TNIP1: variants seen among roughly 807,000 people sequenced by gnomAD.
TNIP1 encodes TNFAIP3-interacting protein 1.
Under a neutral mutation model 86.6 loss-of-function variants are expected in TNIP1, and 22 were observed. That is an observed-to-expected ratio of 0.25 (90% confidence interval 0.18 to 0.36). TNIP1 has a LOEUF of 0.36. Ranked by LOEUF, TNIP1 falls within the 10% of genes least tolerant of loss-of-function variation. The pLI, the probability that TNIP1 is intolerant of heterozygous loss-of-function variation, is 1.00. For synonymous variants in TNIP1, 294 were observed against 313.0 expected (o/e 0.94, Z 0.64); for missense variants, 709 against 820.6 (o/e 0.86, Z 1.66).
rs756259943 is a variant in TNIP1 at position 151,056,904 on chromosome 5, G to C, written c.489C>G (p.Arg163=). 1.3e-6 allele frequency: 2 copies of C among 1,595,050 alleles called. No individual in the cohort carries two copies. Among genetic ancestry groups the C allele is most frequent in the Admixed American group, 3.5e-5 (2 of 57,600 alleles). ...EDGNLMLHLQ[R]LETTLSVCAE... is the part of the protein sequence containing the mutation. ...CACACACACTCAGCGTGGTCTCCAG[G>C]CGCTGCAGGTGCAGCATCAGGTTGC... Residue 163 remains arginine, a synonymous_variant, in exon 6 of 18, where the codon CGC becomes CGG. Coordinates refer to ENST00000521591, the MANE Select transcript of TNIP1 (RefSeq NM_006058.5).
chr5:151,031,333 T>C (rs10463312), intron 17 of TNIP1, among the ~76,000 whole-genome samples: 78,580 of 152,038 alleles, frequency 0.52, 21,929 homozygotes, highest in Non-Finnish European at 0.64. Flanking sequence ...AAAGTTCCTC[T>C]TCATGTTGCG....
chr5:151,055,731 T>C (rs1760575149), intron 6 of TNIP1, among the ~76,000 whole-genome samples: 1 of 152,154 alleles, frequency 6.6e-6, no homozygotes, highest in African/African-American at 2.4e-5. Context: ...AGCGGGGCAC[T>C]TGAGTGCCTG....
intron 5 of TNIP1, among the ~76,000 whole-genome samples, chr5:151,059,856 TGTGTGTGTGTGCGCGCGC>T (rs1220454416): frequency 1.7e-4 from 17 of 100,114 alleles, no homozygotes; most frequent in African/African-American, 7.4e-4. Context: ...TGTGTGTGTG[TGTGTGTGTGTGCGCGCGC>T]GCGCGCGCAT....
intron 1 of TNIP1, among the ~76,000 whole-genome samples, chr5:151,086,527 C>T (rs1764283919): frequency 6.6e-6 from 1 of 152,164 alleles, no homozygotes; most frequent in African/African-American, 2.4e-5. Flanking sequence ...TAGCTGTAGA[C>T]TTCTAAAGTG....
intron 17 of TNIP1, 168 bp downstream of exon 17, chr5:151,032,119 C>A (rs1400149261): frequency 1.1e-5 from 7 of 611,132 alleles, no homozygotes; most frequent in Admixed American, 3.0e-5. Context: ...TTTCAGCCCC[C>A]CTCACTCTGT....
intron 16 of TNIP1, among the ~76,000 whole-genome samples, chr5:151,033,190 G>A (rs1260582361): frequency 1.3e-5 from 2 of 149,260 alleles, no homozygotes; most frequent in Non-Finnish European, 1.5e-5. Context: ...GAGGAGGGGA[G>A]GGGAGAGGAG....
At chr5:151,034,399 G>C in intron 15 of TNIP1, 1 of 289,592 alleles carries the variant, frequency 3.5e-6, no homozygotes, top group South Asian at 2.8e-5. Context: ...GGGCACAGAA[G>C]GCTGGTACAT....
intron 7 of TNIP1, 27 bp from the exon 8 acceptor site, chr5:151,049,974 A>G: frequency 6.2e-7 from 1 of 1,613,528 alleles, no homozygotes; most frequent in Non-Finnish European, 8.5e-7. Context: ...CAGAGAAATC[A>G]CAATGCTGAC....
At chr5:151,084,083 G>C (rs1764182057), upstream of TNIP1, among the ~76,000 whole-genome samples, 1 of 152,208 alleles carries the variant, frequency 6.6e-6, no homozygotes, top group Non-Finnish European at 1.5e-5. Flanking sequence ...TAAGCATCAT[G>C]CTCCAAAGTC....
chr5:151,082,504 G>GT (rs1764098749), upstream of TNIP1, among the ~76,000 whole-genome samples: 1 of 152,134 alleles, frequency 6.6e-6, no homozygotes, highest in Non-Finnish European at 1.5e-5. Flanking sequence ...CTTTGTGCCT[G>GT]TACTTCCCAA....
At chr5:151,068,148 T>C (rs973642013) in intron 1 of TNIP1, among the ~76,000 whole-genome samples, 16 of 152,142 alleles carry the variant, frequency 1.1e-4, no homozygotes, top group African/African-American at 3.9e-4. Context: ...AATATCCTAT[T>C]GTGGGAAAAC....
chr5:151,047,705 TAA>T lies in TNIP1; in HGVS notation c.847-1757_847-1756del, dbSNP rs60038106. 1.5e-3 allele frequency among the ~76,000 whole-genome samples: 223 copies of T among 147,646 alleles called. 5 individuals carry two copies. The East Asian group carries it at 0.02, about 13-fold the overall frequency. ...TACCAAAATAAAAAGGTTTAAAGGT[TAA>T]AAAAAAAAATAGCAAGTGCTGGGGT... On this transcript the variant is annotated intron_variant, in intron 8 of 17. Transcript: ENST00000521591.
chr5:151,071,395 G>A (rs1762812498), intron 1 of TNIP1, among the ~76,000 whole-genome samples: 1 of 152,086 alleles, frequency 6.6e-6, no homozygotes, highest in African/African-American at 2.4e-5. Context: ...CCCTCACTAG[G>A]CCTCAGTTAC....
intron 11 of TNIP1, 129 bp downstream of exon 11, chr5:151,042,411 T>G: frequency 1.6e-6 from 2 of 1,279,658 alleles, no homozygotes; most frequent in Middle Eastern, 1.9e-4. Flanking sequence ...GCCTGTGTTT[T>G]TGGTCACCTA....
In TNIP1 at chr5:151,030,483, G is replaced by GT; in HGVS notation, c.*229dup. 1 of 635,288 alleles carries GT rather than the reference G, an allele frequency of 1.6e-6. No individual in the cohort carries two copies. Among genetic ancestry groups the GT allele is most frequent in the East Asian group, 2.9e-5 (1 of 34,926 alleles). 39.4% of individuals were successfully genotyped at this position (635,288 alleles called of 1,614,324 possible). A position where few individuals can be genotyped will look rare whatever the true frequency, so the allele number is the denominator to read the frequency against. On this transcript the variant is annotated 3_prime_UTR_variant, in exon 18 of 18. Coordinates refer to ENST00000521591, the MANE Select transcript of TNIP1 (RefSeq NM_006058.5). ...CTCTCCACTCAGCAGCAGGGAAGGA[G>GT]TTTTTCCCAGTCACTCCCAGCAGAG...
At chr5:151,063,855 G>T in intron 2 of TNIP1, 108 bp from the exon 3 acceptor site, 1 of 1,399,672 alleles carries the variant, frequency 7.1e-7, no homozygotes, top group Non-Finnish European at 9.7e-7. Context: ...TGAGGCTCCA[G>T]GCCCTGGACT....
chr5:151,049,762 G>A, intron 8 of TNIP1, 62 bp downstream of exon 8: 3 of 1,589,138 alleles, frequency 1.9e-6, no homozygotes, highest in South Asian at 1.1e-5. Context: ...CACTGGAGGT[G>A]GTAAGCAGAG....
chr5:151,084,422 G>A (rs1443707143), upstream of TNIP1, among the ~76,000 whole-genome samples: 3 of 149,572 alleles, frequency 2.0e-5, no homozygotes, highest in Non-Finnish European at 4.4e-5. Context: ...TCCAGCCTGG[G>A]GACAAGAGCA....
At chr5:151,059,793 GAGAGAGAGA>G in intron 5 of TNIP1, among the ~76,000 whole-genome samples, 2 of 96,040 alleles carry the variant, frequency 2.1e-5, no homozygotes, top group African/African-American at 1.1e-4. Flanking sequence ...GAGAGAGAGA[GAGAGAGAGA>G]GAGAGAGAGA....
Sources: gnomAD v4.1 joint callset for allele counts (sites outside exome capture counted in the v4.1 genomes callset) on GRCh38, gnomAD v4.1.1 for gene constraint, MANE v1.5 for transcripts, NCBI Gene and HGNC (gene_info 2026-07-23, HGNC 2026-07-21) for gene names.